SERTAD2: variants seen among roughly 807,000 people sequenced by gnomAD.
SERTAD2 encodes SERTA domain containing 2.
In SERTAD2, 2 loss-of-function variants were observed where a neutral mutation model predicts 15.4. That is an observed-to-expected ratio of 0.13 (90% CI 0.05 to 0.41). The LOEUF (loss-of-function observed/expected upper bound fraction) is 0.41. Ranked by LOEUF, SERTAD2 falls within the 10% of genes least tolerant of loss-of-function variation. The pLI is 0.99. For synonymous variants in SERTAD2, 180 were observed against 178.0 expected (o/e 1.01, Z -0.09); for missense variants, 333 against 409.7 (o/e 0.81, Z 1.62).
chr2:64,644,876 C>CAGTTGTT (rs1674861095), intron 1 of SERTAD2: 1 of 152,422 alleles, frequency 6.6e-6, no homozygotes, highest in Non-Finnish European at 1.5e-5. Context: ...AAAAGCAAAC[C>CAGTTGTT]TGAGACCCCA....
At chr2:64,643,508 C>A (rs1180926777) in intron 1 of SERTAD2, among the ~76,000 whole-genome samples, 1 of 152,212 alleles carries the variant, frequency 6.6e-6, no homozygotes, top group East Asian at 1.9e-4. Context: ...TCAACAGGAA[C>A]GTTTTCAAAA....
Position 64,636,598 on chromosome 2 carries a change from G to C in SERTAD2, c.274C>G (p.Pro92Ala). 1 of 1,607,500 alleles carries C rather than the reference G, an allele frequency of 6.2e-7. No homozygotes were observed. The highest frequency in any genetic ancestry group is 1.1e-5 in the South Asian group (1 of 90,442). Residue 92 changes from proline to alanine, a missense_variant, in exon 2 of 2, where the codon CCC (proline) becomes GCC (alanine). Coordinates refer to ENST00000313349, the MANE Select transcript of SERTAD2 (RefSeq NM_014755.3). ...TAGCTGTCGCTGGGCTCGGTGGTGG[G>C]CTGGGAGGAGGGGGTGAACATGGGC... ...LRPMFTPSSQ[P>A]TTEPSDSYRE...
At chr2:64,645,757 T>A (rs937427130) in intron 1 of SERTAD2, among the ~76,000 whole-genome samples, 3 of 152,198 alleles carry the variant, frequency 2.0e-5, no homozygotes, top group Non-Finnish European at 4.4e-5. Context: ...AATATAAATG[T>A]CAAGTGGTAT....
At position 64,635,280 on chromosome 2, in the gene SERTAD2, T is replaced by G. The variant is rs1674632535; in HGVS notation, c.*647A>C. The G allele has an allele frequency of 6.5e-6, 1 of 152,712 alleles. No individual in the cohort carries two copies. The highest frequency in any genetic ancestry group is 1.5e-5 in the Non-Finnish European group (1 of 68,050). 9.5% of individuals were successfully genotyped at this position (152,712 alleles called of 1,614,324 possible). ...GTACATCTGAAGTTTGCAGGAACTA[T>G]GTGAGCAAATCCTATCAAAATAGCT... On this transcript the variant is annotated 3_prime_UTR_variant, in exon 2 of 2. Transcript: ENST00000313349.
chr2:64,642,925 T>C (rs1471610404), intron 1 of SERTAD2, among the ~76,000 whole-genome samples: 2 of 67,058 alleles, frequency 3.0e-5, no homozygotes, highest in South Asian at 4.5e-4. Flanking sequence ...CTCTCACTGA[T>C]AGACTTTTCT....
chr2:64,642,508 CTT>C (rs11296920), intron 1 of SERTAD2, among the ~76,000 whole-genome samples: 1 of 148,334 alleles, frequency 6.7e-6, no homozygotes, highest in African/African-American at 2.5e-5. Context: ...TTTTAAAAAT[CTT>C]TTTTTTTTTA....
At chr2:64,647,763 A>T (rs1291667215) in intron 1 of SERTAD2, among the ~76,000 whole-genome samples, 1 of 152,194 alleles carries the variant, frequency 6.6e-6, no homozygotes, top group Non-Finnish European at 1.5e-5. Context: ...GAAAGATAAA[A>T]TTACATCTTA....
rs570150762 is a variant in SERTAD2 at position 64,635,349 on chromosome 2, C to T, written c.*578G>A. ...GCATTTGTTTTTAGAAAAACAATAT[C>T]ATAAACTGCAGAATCTGTACAAAAA... On this transcript the variant is annotated 3_prime_UTR_variant, in exon 2 of 2. Coordinates refer to ENST00000313349, the MANE Select transcript of SERTAD2 (RefSeq NM_014755.3). 8 of 152,764 alleles carry T rather than the reference C, an allele frequency of 5.2e-5. No individual in the cohort carries two copies. In the South Asian group the frequency reaches 1.7e-3, roughly 32 times the overall value. 9.5% of individuals were successfully genotyped at this position (152,764 alleles called of 1,614,324 possible). A position where few individuals can be genotyped will look rare whatever the true frequency, so the allele number is the denominator to read the frequency against.
rs11366694 is a variant in SERTAD2, at chr2:64,632,243, C to CTTTT, written c.*3680_*3683dup. 1 of 139,080 alleles carries CTTTT rather than the reference C, an allele frequency of 7.2e-6. No individual in the cohort carries two copies. The highest frequency in any genetic ancestry group is 1.6e-5 in the Non-Finnish European group (1 of 63,666). 8.6% of individuals were successfully genotyped at this position (139,080 alleles called of 1,614,324 possible). A position where few individuals can be genotyped will look rare whatever the true frequency, so the allele number is the denominator to read the frequency against. On this transcript the variant is annotated 3_prime_UTR_variant, in exon 2 of 2. Transcript: ENST00000313349. ...TAGCAATTGCTGCACGAAGTAGAGTCTTTTTTTTTTTTTTTTTTACATTTG... is the reference window on the plus strand; with the variant it reads ...TAGCAATTGCTGCACGAAGTAGAGTCTTTTTTTTTTTTTTTTTTTTTTACATTTG...
At chr2:64,649,999 T>A (rs919967317) in intron 1 of SERTAD2, among the ~76,000 whole-genome samples, 4 of 152,214 alleles carry the variant, frequency 2.6e-5, no homozygotes, top group Non-Finnish European at 5.9e-5. Flanking sequence ...AGCTGAAAAC[T>A]GCAATGGGTG....
chr2:64,650,675 C>A (rs1308196445), intron 1 of SERTAD2, among the ~76,000 whole-genome samples: 1 of 152,206 alleles, frequency 6.6e-6, no homozygotes, highest in South Asian at 2.1e-4. Flanking sequence ...AATAGCCACA[C>A]ATTTCTTAAA....
rs148142062 is a variant in SERTAD2, at chr2:64,651,989, T to TAA, written c.-5+1629_-5+1630dup. ...TATTTTAATTAGGGGGTGAAACAAG[T>TAA]AAAAAAAAAAAACTGTTAAAGGATT... On this transcript the variant is annotated intron_variant, in intron 1 of 1. Coordinates refer to ENST00000313349, the MANE Select transcript of SERTAD2 (RefSeq NM_014755.3). 5.0e-5 allele frequency among the ~76,000 whole-genome samples: 7 copies of TAA among 139,312 alleles called. No individual in the cohort carries two copies. In the South Asian group the frequency reaches 1.6e-3, roughly 31 times the overall value. 91.4% of individuals were successfully genotyped at this position (139,312 alleles called of 152,430 possible). A position where few individuals can be genotyped will look rare whatever the true frequency, so the allele number is the denominator to read the frequency against.
intron 1 of SERTAD2, among the ~76,000 whole-genome samples, chr2:64,651,168 TA>T (rs1420213083): frequency 6.6e-6 from 1 of 152,208 alleles, no homozygotes; most frequent in Non-Finnish European, 1.5e-5. Context: ...ATATGTGAAA[TA>T]TAAAATAAAG....
intron 1 of SERTAD2, among the ~76,000 whole-genome samples, chr2:64,642,967 T>C (rs1469802199): frequency 6.6e-6 from 1 of 152,120 alleles, no homozygotes; most frequent in Non-Finnish European, 1.5e-5. Flanking sequence ...TGCCACAAAA[T>C]GACTTTAAAA....
intron 1 of SERTAD2, among the ~76,000 whole-genome samples, chr2:64,640,824 G>A (rs1674761717): frequency 6.6e-6 from 1 of 152,144 alleles, no homozygotes; most frequent in Non-Finnish European, 1.5e-5. Flanking sequence ...CTCCAGGGCG[G>A]GGTTGGAGAC....
In SERTAD2 at chr2:64,636,345, A is replaced by AGAGC; in HGVS notation, c.526_527insGCTC (p.Ile176SerfsTer20). On this transcript the variant is annotated frameshift_variant, in exon 2 of 2. Transcript: ENST00000313349. LOFTEE classifies it high-confidence loss of function. ...GGTAGATGTGGGACAGAGCTCCTCG[A>AGAGC]TCTCGTCCAAGGCAGAGGAGAAACT... is the stretch of plus-strand genomic sequence containing the variant. 1 of 1,614,168 alleles carries AGAGC rather than the reference A, an allele frequency of 6.2e-7. No individual in the cohort carries two copies. The highest frequency in any genetic ancestry group is 1.3e-5 in the African/African-American group (1 of 75,026).
At chr2:64,651,475 T>C (rs1380337263) in intron 1 of SERTAD2, among the ~76,000 whole-genome samples, 2 of 152,220 alleles carry the variant, frequency 1.3e-5, no homozygotes, top group African/African-American at 4.8e-5. Flanking sequence ...TACTCTGCCA[T>C]TGGAACCCTG....
At chr2:64,647,437 A>G (rs1007886774) in intron 1 of SERTAD2, among the ~76,000 whole-genome samples, 2 of 152,204 alleles carry the variant, frequency 1.3e-5, no homozygotes, top group Non-Finnish European at 2.9e-5. Context: ...CTTTACTAGT[A>G]AAGACTAGCC....
rs576751510 is a variant in SERTAD2 at position 64,635,994 on chromosome 2, G to A, written c.878C>T (p.Pro293Leu). 5.6e-6 allele frequency: 9 copies of A among 1,614,132 alleles called. No individual in the cohort carries two copies. The African/African-American group carries it at 9.3e-5, about 17-fold the overall frequency. Reference protein sequence around the residue: ...LAPYSSQPVTPSQPFKMDLTE... With the variant: ...LAPYSSQPVTLSQPFKMDLTE... ...GAGGTCCATTTTGAAAGGCTGACTTGGGGTGACAGGCTGACTGCTGTAAGG... is the reference window on the plus strand; with the variant it reads ...GAGGTCCATTTTGAAAGGCTGACTTAGGGTGACAGGCTGACTGCTGTAAGG... Residue 293 changes from proline to leucine, a missense_variant, in exon 2 of 2, where the codon CCA (proline) becomes CTA (leucine). Physicochemically the swap from Pro to Leu is moderately conservative, Grantham distance 98 (BLOSUM62 -3). Coordinates refer to ENST00000313349, the MANE Select transcript of SERTAD2 (RefSeq NM_014755.3).
Sources: gnomAD v4.1 joint callset for allele counts (sites outside exome capture counted in the v4.1 genomes callset) on GRCh38, gnomAD v4.1.1 for gene constraint, MANE v1.5 for transcripts, NCBI Gene and HGNC (gene_info 2026-07-23, HGNC 2026-07-21) for gene names.